SPATA17: variants seen among roughly 807,000 people sequenced by gnomAD.
SPATA17 encodes spermatogenesis-associated protein 17.
In SPATA17, 53 loss-of-function variants were observed where a neutral mutation model predicts 62.2. The ratio of observed to expected loss-of-function variants is 0.85; its 90% CI spans 0.68 to 1.07. SPATA17 has a LOEUF of 1.07. Among genes scored for constraint, SPATA17 ranks in the 50% least tolerant of loss-of-function variants. The probability of loss-of-function intolerance (pLI) is 0.00; values close to 1 mark genes in which losing one functional copy is unlikely to be tolerated. For synonymous variants in SPATA17, 146 were observed against 146.8 expected, an observed-to-expected ratio of 0.99 and a Z score of 0.04; for missense variants, 466 against 425.5, an observed-to-expected ratio of 1.10 and a Z score of -0.84.
chr1:217,658,701 T>C (rs186565350), intron 3 of SPATA17, among the ~76,000 whole-genome samples: 1 of 152,128 alleles, frequency 6.6e-6, no homozygotes, highest in Non-Finnish European at 1.5e-5. Flanking sequence ...GAGCTTGCAG[T>C]GAGCCAAGAT....
intron 4 of SPATA17, among the ~76,000 whole-genome samples, chr1:217,678,601 A>T (rs1671008430): frequency 6.6e-6 from 1 of 152,206 alleles, no homozygotes; most frequent in Non-Finnish European, 1.5e-5. Flanking sequence ...AGTAAACCCA[A>T]TGGAGGGAAA....
At chr1:217,726,914 T>G (rs1672275411) in intron 5 of SPATA17, among the ~76,000 whole-genome samples, 1 of 152,116 alleles carries the variant, frequency 6.6e-6, no homozygotes, top group African/African-American at 2.4e-5. Flanking sequence ...GTTGTGAAAC[T>G]TAAGTTGTTT....
chr1:217,743,024 C>T lies in SPATA17; in HGVS notation c.519+926C>T, dbSNP rs1672660798. 5.8e-5 allele frequency among the ~76,000 whole-genome samples: 4 copies of T among 69,186 alleles called. No individual in the cohort carries two copies. The South Asian group carries it at 1.2e-3, about 20-fold the overall frequency. The allele number at this position is 69,186 out of a possible 152,430, so 45.4% of individuals were successfully genotyped here. ...AGTGTAGATCTCCCGCATCTCTAGCCTGTGCTTGGTAGTCTAAATACCAAT... is the reference window on the plus strand; with the variant it reads ...AGTGTAGATCTCCCGCATCTCTAGCTTGTGCTTGGTAGTCTAAATACCAAT... On this transcript the variant is annotated intron_variant, in intron 6 of 10. Coordinates refer to ENST00000366933, the MANE Select transcript of SPATA17 (RefSeq NM_138796.4).
At chr1:217,664,695 A>C (rs1417631102) in intron 3 of SPATA17, among the ~76,000 whole-genome samples, 1 of 152,128 alleles carries the variant, frequency 6.6e-6, no homozygotes, top group African/African-American at 2.4e-5. Flanking sequence ...AGAACACCTA[A>C]AAGGAATAGA....
chr1:217,766,014 TTCTC>T (rs1167798051), intron 6 of SPATA17, among the ~76,000 whole-genome samples: 3 of 151,994 alleles, frequency 2.0e-5, no homozygotes, highest in Non-Finnish European at 4.4e-5. Flanking sequence ...TGGTATATCT[TTCTC>T]TGGCCCTTTA....
At chr1:217,856,506 C>T (rs958538789) in intron 9 of SPATA17, among the ~76,000 whole-genome samples, 6 of 152,198 alleles carry the variant, frequency 3.9e-5, no homozygotes, top group African/African-American at 1.4e-4. Flanking sequence ...CCTGTAATCA[C>T]CAGTGAGACT....
At chr1:217,781,060 A>G (rs1673716756) in intron 7 of SPATA17, 1 of 152,156 alleles carries the variant, frequency 6.6e-6, no homozygotes. Context: ...ACTTTCAAAT[A>G]TAGCAATCCT....
At chr1:217,686,217 T>C (rs897797998) in intron 5 of SPATA17, among the ~76,000 whole-genome samples, 5 of 152,150 alleles carry the variant, frequency 3.3e-5, no homozygotes, top group Non-Finnish European at 5.9e-5. Context: ...TACTAGTCTT[T>C]GGAAGTTTAA....
intron 10 of SPATA17, among the ~76,000 whole-genome samples, chr1:217,863,470 A>C (rs1317907195): frequency 6.6e-6 from 1 of 152,100 alleles, no homozygotes; most frequent in Non-Finnish European, 1.5e-5. Context: ...AGTTTTACAC[A>C]ATACGGTGAA....
intron 5 of SPATA17, chr1:217,737,722 G>T (rs1391676461): frequency 6.6e-6 from 1 of 152,438 alleles, no homozygotes; most frequent in Admixed American, 6.6e-5. Context: ...TTTGGGTTTG[G>T]TTCTGTAGGG....
intron 9 of SPATA17, among the ~76,000 whole-genome samples, chr1:217,857,297 A>G (rs1403480163): frequency 6.6e-6 from 1 of 152,190 alleles, no homozygotes; most frequent in African/African-American, 2.4e-5. Context: ...TGAGTGGCCC[A>G]GGAAATGTGC....
chr1:217,645,889 T>G, intron 1 of SPATA17, among the ~76,000 whole-genome samples: 1 of 152,210 alleles, frequency 6.6e-6, no homozygotes, highest in East Asian at 1.9e-4. Flanking sequence ...TTAACATTGC[T>G]TAATCATGAT....
At chr1:217,672,797 T>C (rs945850622) in intron 4 of SPATA17, among the ~76,000 whole-genome samples, 2 of 152,154 alleles carry the variant, frequency 1.3e-5, no homozygotes, top group South Asian at 4.1e-4. Flanking sequence ...TATTTTACCA[T>C]TGACATACTT....
chr1:217,793,467 G>T (rs541971950), intron 8 of SPATA17, among the ~76,000 whole-genome samples: 1 of 151,944 alleles, frequency 6.6e-6, no homozygotes, highest in Non-Finnish European at 1.5e-5. Context: ...TGATCCGCCC[G>T]CCTCGGCCTC....
intron 7 of SPATA17, among the ~76,000 whole-genome samples, chr1:217,779,716 A>G (rs1673688776): frequency 6.6e-6 from 1 of 151,762 alleles, no homozygotes; most frequent in African/African-American, 2.4e-5. Context: ...GTGTGTTACC[A>G]ATAATAAAAA....
At chr1:217,746,638 T>C (rs1481704850) in intron 6 of SPATA17, among the ~76,000 whole-genome samples, 3 of 151,814 alleles carry the variant, frequency 2.0e-5, no homozygotes, top group Non-Finnish European at 4.4e-5. Context: ...AGTTTTAAAG[T>C]CAGGTTTAAG....
At chr1:217,639,407 C>T (rs764648088) in intron 1 of SPATA17, among the ~76,000 whole-genome samples, 23 of 151,978 alleles carry the variant, frequency 1.5e-4, no homozygotes, top group Non-Finnish European at 3.1e-4. Context: ...CATCTATGTA[C>T]CCTACCTGAC....
At chr1:217,711,597 GT>G (rs1288665771) in intron 5 of SPATA17, among the ~76,000 whole-genome samples, 2 of 152,158 alleles carry the variant, frequency 1.3e-5, no homozygotes. Context: ...ACTTTGCAGA[GT>G]TTTTGTGAAA....
At position 217,637,431 on chromosome 1, in the gene SPATA17, G is replaced by C. The variant is rs140194175; in HGVS notation, c.68+5985G>C. On this transcript the variant is annotated intron_variant, in intron 1 of 10. Transcript: ENST00000366933. ...CATAAGCCCTAACCTGCCTTTCTAA[G>C]ATCAGGTTGAGAAAAAGAAAGCAGG... is the stretch of plus-strand genomic sequence containing the variant. 5.2e-3 allele frequency among the ~76,000 whole-genome samples: 789 copies of C among 152,232 alleles called. 1 individual carries two copies. The highest frequency in any genetic ancestry group is 0.01 in the Middle Eastern group (3 of 294).
Sources: allele counts gnomAD v4.1 joint callset (sites outside exome capture counted in the v4.1 genomes callset), GRCh38; gene constraint gnomAD v4.1.1; transcripts MANE v1.5; gene names NCBI Gene and HGNC (gene_info 2026-07-23, HGNC 2026-07-21).